Variants in GALNT13 observed in about 807,000 individuals in gnomAD.
The protein encoded by GALNT13 is polypeptide N-acetylgalactosaminyltransferase 13, also known as UDP-GalNAc:polypeptide N-acetylgalactosaminyltransferase 13.
In GALNT13, 28 loss-of-function variants were observed where a neutral mutation model predicts 64.2. The observed-to-expected ratio is 0.44, with a 90% CI of 0.32 to 0.60. The LOEUF is 0.60. Ranked by LOEUF, GALNT13 falls within the 20% of genes least tolerant of loss-of-function variation. GALNT13 has a pLI of 0.05. For synonymous variants in GALNT13, 214 were observed against 224.6 expected (o/e 0.95, Z 0.42); for missense variants, 577 against 669.8 (o/e 0.86, Z 1.53).
intron 3 of GALNT13, among the ~76,000 whole-genome samples, chr2:153,947,651 A>G (rs961775273): frequency 1.3e-5 from 2 of 151,868 alleles, no homozygotes; most frequent in Admixed American, 6.6e-5. Flanking sequence ...CTCTGTTGTT[A>G]GTTTCTTTTG....
At chr2:153,698,150 A>G in the GALNT13 span, among the ~76,000 whole-genome samples, 1 of 152,262 alleles carries the variant, frequency 6.6e-6, no homozygotes, top group African/African-American at 2.4e-5. Flanking sequence ...ACACCAAAAT[A>G]TAAAGAGAGA....
the GALNT13 span, among the ~76,000 whole-genome samples, chr2:153,563,044 A>G: frequency 6.6e-6 from 1 of 152,008 alleles, no homozygotes; most frequent in Non-Finnish European, 1.5e-5. Context: ...TATTATATCT[A>G]TGTGTTCCTT....
intron 2 of GALNT13, among the ~76,000 whole-genome samples, chr2:153,932,691 A>G (rs1268518470): frequency 1.9e-4 from 27 of 142,000 alleles, no homozygotes; most frequent in African/African-American, 7.0e-4. Flanking sequence ...GCAATGGTGC[A>G]ATCTTGGCTC....
At chr2:154,244,116 T>G (rs1331312808) in intron 6 of GALNT13, among the ~76,000 whole-genome samples, 1 of 152,084 alleles carries the variant, frequency 6.6e-6, no homozygotes, top group Non-Finnish European at 1.5e-5. Context: ...TTTTTCCACA[T>G]GTGTTTCATA....
intron 11 of GALNT13, among the ~76,000 whole-genome samples, chr2:154,428,191 A>G (rs530264131): frequency 6.6e-6 from 1 of 152,266 alleles, no homozygotes; most frequent in East Asian, 1.9e-4. Context: ...TGGGTGTGTA[A>G]AGAGAAGTTT....
At chr2:153,859,324 A>G in the GALNT13 span, among the ~76,000 whole-genome samples, 1 of 152,240 alleles carries the variant, frequency 6.6e-6, no homozygotes, top group South Asian at 2.1e-4. Flanking sequence ...AGATACTCAT[A>G]CACACAATCT....
At chr2:153,428,458 TG>T in the GALNT13 span, among the ~76,000 whole-genome samples, 2 of 152,186 alleles carry the variant, frequency 1.3e-5, no homozygotes, top group Non-Finnish European at 2.9e-5. Context: ...ATGAGGGATC[TG>T]CTACCATGCC....
At chr2:154,379,268 A>G (rs1279490763) in intron 9 of GALNT13, among the ~76,000 whole-genome samples, 3 of 152,060 alleles carry the variant, frequency 2.0e-5, no homozygotes, top group Non-Finnish European at 4.4e-5. Context: ...AATAAAATAA[A>G]CTCACCTTGT....
chr2:153,407,357 C>G, the GALNT13 span, among the ~76,000 whole-genome samples: 1 of 152,142 alleles, frequency 6.6e-6, no homozygotes, highest in Non-Finnish European at 1.5e-5. Flanking sequence ...AATAAATGAT[C>G]CTACAATTTG....
the GALNT13 span, among the ~76,000 whole-genome samples, chr2:153,199,573 G>T: frequency 2.0e-5 from 3 of 152,334 alleles, no homozygotes; most frequent in South Asian, 6.2e-4. Context: ...CAGGCCTCTT[G>T]CCTGTCCTTA....
chr2:153,671,458 A>G, the GALNT13 span, among the ~76,000 whole-genome samples: 2 of 152,212 alleles, frequency 1.3e-5, no homozygotes, highest in Non-Finnish European at 2.9e-5. Context: ...AATAAGTTTC[A>G]TAAGTGAAGG....
At chr2:153,850,761 G>A in the GALNT13 span, among the ~76,000 whole-genome samples, 1 of 152,130 alleles carries the variant, frequency 6.6e-6, no homozygotes. Context: ...GGATGAGAAA[G>A]GCACTGGATG....
chr2:153,515,897 T>G, the GALNT13 span, among the ~76,000 whole-genome samples: 1 of 152,176 alleles, frequency 6.6e-6, no homozygotes, highest in Non-Finnish European at 1.5e-5. Context: ...AGAGGCTGGA[T>G]AGATTAGGTG....
At chr2:153,290,942 G>A in the GALNT13 span, among the ~76,000 whole-genome samples, 1 of 152,112 alleles carries the variant, frequency 6.6e-6, no homozygotes, top group African/African-American at 2.4e-5. Flanking sequence ...TTTCTATAGT[G>A]TTCACTACGA....
intron 11 of GALNT13, among the ~76,000 whole-genome samples, chr2:154,419,871 A>T (rs1325694143): frequency 6.6e-6 from 1 of 152,168 alleles, no homozygotes; most frequent in African/African-American, 2.4e-5. Flanking sequence ...CAGTGCAAAT[A>T]GTAGGACAAA....
chr2:153,593,452 A>G, the GALNT13 span, among the ~76,000 whole-genome samples: 5 of 152,146 alleles, frequency 3.3e-5, no homozygotes, highest in African/African-American at 1.2e-4. Flanking sequence ...GTGAGCTCAG[A>G]CACACCTAGC....
chr2:153,430,424 T>G, the GALNT13 span, among the ~76,000 whole-genome samples: 2 of 152,014 alleles, frequency 1.3e-5, no homozygotes, highest in Non-Finnish European at 2.9e-5. Flanking sequence ...CATATGTGAC[T>G]TATAAAGTTA....
chr2:153,128,676 C>T, the GALNT13 span, among the ~76,000 whole-genome samples: 501 of 152,138 alleles, frequency 3.3e-3, 3 homozygotes, highest in East Asian at 0.025. Flanking sequence ...GCAGAAAGAG[C>T]GCATATTAAT....
At chr2:153,207,416 T>C in the GALNT13 span, among the ~76,000 whole-genome samples, 5 of 152,146 alleles carry the variant, frequency 3.3e-5, no homozygotes, top group Non-Finnish European at 7.4e-5. Context: ...TCAGAATATG[T>C]AATATGTGGT....
Sources: gnomAD v4.1 joint callset for allele counts (sites outside exome capture counted in the v4.1 genomes callset) on GRCh38, gnomAD v4.1.1 for gene constraint, MANE v1.5 for transcripts, NCBI Gene and HGNC (gene_info 2026-07-23, HGNC 2026-07-21) for gene names.